The following RBFOX1 variants were observed in gnomAD, a reference collection of about 807,000 sequenced individuals.
RBFOX1 encodes the protein RNA binding protein fox-1 homolog 1.
In RBFOX1, 8 loss-of-function variants were observed where a neutral mutation model predicts 57.7. That is an observed-to-expected ratio of 0.14 (90% confidence interval 0.08 to 0.25). The LOEUF is 0.25. Ranked by LOEUF, RBFOX1 falls within the 10% of genes least tolerant of loss-of-function variation. The pLI is 1.00. For synonymous variants in RBFOX1, 326 were observed against 222.4 expected, an observed-to-expected ratio of 1.47 and a Z score of -4.15; for missense variants, 611 against 548.5, an observed-to-expected ratio of 1.11 and a Z score of -1.14.
intron 10 of RBFOX1, among the ~76,000 whole-genome samples, chr16:7,626,477 G>A (rs149095103): frequency 6.6e-6 from 1 of 152,298 alleles, no homozygotes; most frequent in African/African-American, 2.4e-5. Context: ...CCGGCACTCA[G>A]AGTGGGCGAA....
At chr16:5,372,860 G>A (rs1194869597) in intron 1 of RBFOX1, among the ~76,000 whole-genome samples, 1 of 152,184 alleles carries the variant, frequency 6.6e-6, no homozygotes, top group Non-Finnish European at 1.5e-5. Flanking sequence ...ACACACTTGT[G>A]ATCCTTTTTG....
chr16:6,866,687 G>T (rs2059987333), intron 3 of RBFOX1, among the ~76,000 whole-genome samples: 2 of 151,682 alleles, frequency 1.3e-5, no homozygotes, highest in South Asian at 4.2e-4. Flanking sequence ...GACTACAGGC[G>T]CCTGCCACCA....
At chr16:5,467,080 G>A (rs536739540) in intron 1 of RBFOX1, 1 of 1,047,010 alleles carries the variant, frequency 9.6e-7, no homozygotes, top group East Asian at 2.7e-5. Context: ...GGCATTTAAT[G>A]GACGTTTTGA....
At chr16:6,139,521 G>A (rs963064559) in intron 1 of RBFOX1, among the ~76,000 whole-genome samples, 1 of 152,070 alleles carries the variant, frequency 6.6e-6, no homozygotes, top group South Asian at 2.1e-4. Flanking sequence ...CTATTACCCT[G>A]CTCAATCCCA....
At chr16:6,814,079 T>A (rs1021468030) in intron 3 of RBFOX1, among the ~76,000 whole-genome samples, 5 of 152,180 alleles carry the variant, frequency 3.3e-5, no homozygotes, top group African/African-American at 7.2e-5. Flanking sequence ...GATGTATAAT[T>A]TCTCTCATTT....
intron 4 of RBFOX1, among the ~76,000 whole-genome samples, chr16:7,168,359 G>A (rs1408260886): frequency 6.6e-6 from 1 of 152,190 alleles, no homozygotes; most frequent in East Asian, 1.9e-4. Context: ...TATGTGCTAG[G>A]GTGCAGAGCC....
chr16:7,371,002 A>T (rs150040089), intron 4 of RBFOX1, among the ~76,000 whole-genome samples: 29 of 152,274 alleles, frequency 1.9e-4, no homozygotes, highest in Non-Finnish European at 3.8e-4. Flanking sequence ...CAGGACAGGT[A>T]TTTTATTGGG....
intron 2 of RBFOX1, among the ~76,000 whole-genome samples, chr16:5,535,079 G>A (rs1435769134): frequency 1.3e-5 from 2 of 152,186 alleles, no homozygotes; most frequent in African/African-American, 2.4e-5. Context: ...GATAAAAAAT[G>A]TTATAGAGGT....
intron 1 of RBFOX1, among the ~76,000 whole-genome samples, chr16:6,298,752 C>T (rs2078438835): frequency 1.3e-5 from 2 of 152,154 alleles, no homozygotes; most frequent in African/African-American, 2.4e-5. Flanking sequence ...CAAAGGTTAG[C>T]TTTTGAAATT....
In RBFOX1 at chr16:6,807,830, T is replaced by C. The variant is rs934316365; in HGVS notation, c.-16+153180T>C. Among the ~76,000 whole-genome samples, 12 of 151,964 alleles carry C rather than the reference T, an allele frequency of 7.9e-5. No homozygotes were observed. The South Asian group carries it at 2.3e-3, about 29-fold the overall frequency. On this transcript the variant is annotated intron_variant, in intron 3 of 15. Coordinates refer to ENST00000550418, the MANE Select transcript of RBFOX1 (RefSeq NM_018723.4). The stretch of plus-strand genomic sequence containing the variant: ...ACTCCATCTCAAAAAAAGATGCTTA[T>C]TATATATATAGTTCTATTGAATATG...
intron 4 of RBFOX1, among the ~76,000 whole-genome samples, chr16:5,991,136 C>T (rs1404160381): frequency 2.0e-5 from 3 of 152,136 alleles, no homozygotes; most frequent in Admixed American, 1.3e-4. Flanking sequence ...AAAGTTGGAC[C>T]ATTTGGGGGG....
intron 1 of RBFOX1, among the ~76,000 whole-genome samples, chr16:6,273,925 C>A (rs76795948): frequency 3.0e-4 from 45 of 152,142 alleles, no homozygotes; most frequent in East Asian, 1.6e-3. Context: ...ACACAGATGG[C>A]AAGTAAGCAC....
intron 1 of RBFOX1, among the ~76,000 whole-genome samples, chr16:5,371,409 A>T (rs2065853637): frequency 6.6e-6 from 1 of 152,212 alleles, no homozygotes; most frequent in Non-Finnish European, 1.5e-5. Flanking sequence ...GAAGAGAGGC[A>T]CCTGCAAGTC....
intron 3 of RBFOX1, among the ~76,000 whole-genome samples, chr16:7,041,332 C>G (rs1330200893): frequency 6.6e-6 from 1 of 152,044 alleles, no homozygotes; most frequent in Non-Finnish European, 1.5e-5. Context: ...GTAGCTGCAA[C>G]AAAGACAAGA....
At chr16:5,887,282 A>G (rs2057921425) in intron 4 of RBFOX1, among the ~76,000 whole-genome samples, 1 of 152,188 alleles carries the variant, frequency 6.6e-6, no homozygotes, top group African/African-American at 2.4e-5. Context: ...CCTGGACACC[A>G]CAGCAGCCCC....
rs377765922 is a variant in RBFOX1, at chr16:6,721,876, A to G, written c.-16+67226A>G. The G allele has an allele frequency of 1.1e-3, 151 of 138,884 alleles. 1 individual carries two copies. Among genetic ancestry groups the G allele is most frequent in the African/African-American group, 3.2e-3 (116 of 36,690 alleles). 8.6% of individuals were successfully genotyped at this position (138,884 alleles called of 1,614,324 possible). A position where few individuals can be genotyped will look rare whatever the true frequency, so the allele number is the denominator to read the frequency against. ...ATTAGTAAGCACCCCCCACCAGCCC[A>G]CATTATCCCCCCAAAATAACGAGAC... On this transcript the variant is annotated intron_variant, in intron 3 of 15. Coordinates refer to ENST00000550418, the MANE Select transcript of RBFOX1 (RefSeq NM_018723.4).
chr16:5,349,935 G>A (rs1303514347), intron 1 of RBFOX1, among the ~76,000 whole-genome samples: 5 of 152,136 alleles, frequency 3.3e-5, no homozygotes, highest in Non-Finnish European at 5.9e-5. Flanking sequence ...CTCCTTCCCA[G>A]CACAAGGCAT....
chr16:7,624,704 T>A (rs2059818434), intron 10 of RBFOX1, among the ~76,000 whole-genome samples: 1 of 152,204 alleles, frequency 6.6e-6, no homozygotes, highest in South Asian at 2.1e-4. Context: ...AGGGTTCTCC[T>A]CTTAGCCTTC....
At chr16:5,944,980 A>AAC (rs1338203178) in intron 4 of RBFOX1, among the ~76,000 whole-genome samples, 4 of 127,386 alleles carry the variant, frequency 3.1e-5, no homozygotes, top group African/African-American at 1.4e-4. Context: ...AAAAAAAAAA[A>AAC]AAAAAAAAGA....
Sources: allele counts gnomAD v4.1 joint callset (sites outside exome capture counted in the v4.1 genomes callset), GRCh38; gene constraint gnomAD v4.1.1; transcripts MANE v1.5; gene names NCBI Gene and HGNC (gene_info 2026-07-23, HGNC 2026-07-21).